The following PLSCR2 variants were observed in gnomAD, a reference collection of about 807,000 sequenced individuals.
The protein encoded by PLSCR2 is PL scramblase 2.
A neutral mutation model predicts 25.3 loss-of-function variants in PLSCR2; 18 were observed. The observed-to-expected ratio is 0.71, with a 90% confidence interval of 0.49 to 1.06. The LOEUF is 1.06. Ranked by LOEUF, PLSCR2 falls within the 50% of genes least tolerant of loss-of-function variation. The pLI, the probability that PLSCR2 is intolerant of heterozygous loss-of-function variation, is 0.00. For synonymous variants in PLSCR2, 88 were observed against 87.3 expected (o/e 1.01, Z -0.04); for missense variants, 243 against 269.5 (o/e 0.90, Z 0.69).
At chr3:146,445,598 T>C (rs1315918515) in intron 6 of PLSCR2, among the ~76,000 whole-genome samples, 1 of 152,152 alleles carries the variant, frequency 6.6e-6, no homozygotes, top group Non-Finnish European at 1.5e-5. Flanking sequence ...ATTTGGGAGT[T>C]TGAATACAAA....
chr3:146,411,383 T>C lies in PLSCR2; in HGVS notation c.101-15462A>G, dbSNP rs114745778. Reference sequence around the variant, plus strand: ...CCCTCTTACCAGAATCGAAGTCAAATCTGACATACCTGACCCTGGGGTCAG... The same window carrying C: ...CCCTCTTACCAGAATCGAAGTCAAACCTGACATACCTGACCCTGGGGTCAG... On this transcript the variant is annotated intron_variant and NMD_transcript_variant, in intron 2 of 3. Transcript: ENST00000463633. Among the ~76,000 whole-genome samples, 875 of 152,258 alleles carry C rather than the reference T, an allele frequency of 5.7e-3. 11 individuals are homozygous for C. Among genetic ancestry groups the C allele is most frequent in the African/African-American group, 0.02 (832 of 41,542 alleles).
intron 2 of PLSCR2, among the ~76,000 whole-genome samples, chr3:146,401,119 A>T (rs2038458367): frequency 1.3e-5 from 2 of 152,056 alleles, no homozygotes; most frequent in African/African-American, 4.8e-5. Context: ...AAAGCCTTGG[A>T]TGGATGCTTA....
At chr3:146,469,820 C>G (rs1325414338) in intron 1 of PLSCR2, among the ~76,000 whole-genome samples, 2 of 151,516 alleles carry the variant, frequency 1.3e-5, no homozygotes, top group African/African-American at 4.9e-5. Flanking sequence ...GCCGCCCAGC[C>G]CGTCCCGTCT....
At chr3:146,453,206 CTG>C (rs1001570479) in intron 5 of PLSCR2, among the ~76,000 whole-genome samples, 2 of 152,022 alleles carry the variant, frequency 1.3e-5, no homozygotes, top group Non-Finnish European at 2.9e-5. Context: ...TGTGGGGACA[CTG>C]TCAGAGTTCC....
At chr3:146,437,945 A>G (rs2039987163), downstream of PLSCR2, among the ~76,000 whole-genome samples, 1 of 152,182 alleles carries the variant, frequency 6.6e-6, no homozygotes, top group Non-Finnish European at 1.5e-5. Flanking sequence ...ACTGCATTAA[A>G]TGTGTCCCAG....
rs528606508 is a variant in PLSCR2 at position 146,456,692 on chromosome 3, G to T, written c.101-1233C>A. Among the ~76,000 whole-genome samples, 5 of 152,092 alleles carry T rather than the reference G, an allele frequency of 3.3e-5. No individual in the cohort carries two copies. The East Asian group carries it at 5.8e-4, about 18-fold the overall frequency. On this transcript the variant is annotated intron_variant, in intron 3 of 6. Coordinates refer to ENST00000610787, the Ensembl canonical transcript of PLSCR2. ...TCTATTAACTTTTCAGTCGTGGTAA[G>T]GTATAAGTATTTGTCATAGTCTCAG...
intron 1 of PLSCR2, among the ~76,000 whole-genome samples, chr3:146,481,624 G>A (rs146948493): frequency 3.9e-5 from 6 of 152,156 alleles, no homozygotes; most frequent in Non-Finnish European, 7.3e-5. Flanking sequence ...TGGATAGGAA[G>A]AATCAGTATT....
intron 1 of PLSCR2, among the ~76,000 whole-genome samples, chr3:146,481,506 G>A (rs965713211): frequency 6.6e-6 from 1 of 152,130 alleles, no homozygotes; most frequent in South Asian, 2.1e-4. Flanking sequence ...AAAATACCTG[G>A]GAATTGAACT....
chr3:146,413,097 C>T (rs2038908958), intron 2 of PLSCR2, among the ~76,000 whole-genome samples: 1 of 152,150 alleles, frequency 6.6e-6, no homozygotes, highest in Non-Finnish European at 1.5e-5. Flanking sequence ...TTATATTTAA[C>T]AGAACCAAGA....
intron 2 of PLSCR2, among the ~76,000 whole-genome samples, chr3:146,405,200 G>T (rs56111687): frequency 4.6e-5 from 7 of 152,098 alleles, no homozygotes; most frequent in South Asian, 2.1e-4. Context: ...AAATAAAGTA[G>T]GCAAAAAGTT....
intron 3 of PLSCR2, among the ~76,000 whole-genome samples, chr3:146,458,130 C>T (rs919548775): frequency 3.9e-5 from 6 of 152,128 alleles, no homozygotes; most frequent in South Asian, 2.1e-4. Context: ...TGCAAATGCT[C>T]GGTACAGGTA....
At chr3:146,479,137 C>T (rs1330778229) in intron 1 of PLSCR2, among the ~76,000 whole-genome samples, 2 of 152,286 alleles carry the variant, frequency 1.3e-5, no homozygotes, top group East Asian at 3.9e-4. Context: ...CACTGCAAAA[C>T]ATGCCAAATT....
intron 1 of PLSCR2, among the ~76,000 whole-genome samples, chr3:146,471,866 G>C (rs529857161): frequency 1.3e-5 from 2 of 152,256 alleles, no homozygotes; most frequent in East Asian, 3.9e-4. Context: ...GCCCGGCCAA[G>C]ATACAATTCT....
chr3:146,437,309 T>C (rs145152949), downstream of PLSCR2, among the ~76,000 whole-genome samples: 1,046 of 152,300 alleles, frequency 6.9e-3, 8 homozygotes, highest in South Asian at 0.017. Context: ...TTAGGGAGGA[T>C]TCCCTCTTTT....
chr3:146,433,364 A>C (rs1343415850), exon 9 of PLSCR2: 1 of 152,136 alleles, frequency 6.6e-6, no homozygotes, highest in Non-Finnish European at 1.5e-5. Flanking sequence ...CCATGTAAAT[A>C]TTCAATGCGA....
intron 6 of PLSCR2, among the ~76,000 whole-genome samples, chr3:146,448,157 G>C (rs367574408): frequency 6.6e-6 from 1 of 152,068 alleles, no homozygotes. Flanking sequence ...ATGATCATTT[G>C]ACTGATTTTC....
chr3:146,437,845 A>C (rs2039978523), downstream of PLSCR2, among the ~76,000 whole-genome samples: 1 of 151,968 alleles, frequency 6.6e-6, no homozygotes, highest in Non-Finnish European at 1.5e-5. Flanking sequence ...TTGCTTCTCT[A>C]GTTCTTTTAA....
intron 2 of PLSCR2, 105 bp downstream of exon 2, chr3:146,459,743 A>T (rs1388561137): frequency 2.6e-6 from 2 of 763,688 alleles, no homozygotes; most frequent in South Asian, 3.8e-5. Flanking sequence ...TAATTAATTA[A>T]TAAGCAGTAA....
At chr3:146,492,329 A>G (rs1180944354) in intron 1 of PLSCR2, among the ~76,000 whole-genome samples, 1 of 152,154 alleles carries the variant, frequency 6.6e-6, no homozygotes, top group Non-Finnish European at 1.5e-5. Flanking sequence ...AGAATAATCC[A>G]CACAACAACG....
Sources: gnomAD v4.1 joint callset for allele counts (sites outside exome capture counted in the v4.1 genomes callset) on GRCh38, gnomAD v4.1.1 for gene constraint, MANE v1.5 for transcripts, NCBI Gene and HGNC (gene_info 2026-07-23, HGNC 2026-07-21) for gene names.